Variants in FLI1 observed in about 807,000 individuals in gnomAD.
FLI1 encodes Fli-1 proto-oncogene, ETS transcription factor.
A neutral mutation model predicts 53.1 loss-of-function variants in FLI1; 13 were observed. That is an observed-to-expected ratio of 0.24 (90% CI 0.16 to 0.39). The LOEUF is 0.39. FLI1 is among the 10% of genes least tolerant of loss of function. The pLI is 1.00. For missense variants in FLI1, 424 were observed against 600.5 expected (o/e 0.71, Z 3.07); for synonymous variants, 244 against 236.7 (o/e 1.03, Z -0.28).
chr11:128,745,550 G>A (rs1441629928), intron 1 of FLI1, among the ~76,000 whole-genome samples: 1 of 152,224 alleles, frequency 6.6e-6, no homozygotes, highest in East Asian at 1.9e-4. Flanking sequence ...TGATGGGCCT[G>A]AGGTCACCAA....
chr11:128,793,766 T>C (rs988058180), intron 5 of FLI1, among the ~76,000 whole-genome samples: 1 of 152,220 alleles, frequency 6.6e-6, no homozygotes, highest in Non-Finnish European at 1.5e-5. Flanking sequence ...TGACAATGAA[T>C]GCATGAGCCC....
intron 6 of FLI1, 52 bp from the exon 7 acceptor site, chr11:128,807,128 C>A: frequency 8.0e-7 from 1 of 1,246,956 alleles, no homozygotes; most frequent in Non-Finnish European, 1.1e-6. Flanking sequence ...ACGTCTTGCT[C>A]CCCTCGGGGA....
intron 1 of FLI1, among the ~76,000 whole-genome samples, chr11:128,724,980 G>A (rs615671): frequency 0.4 from 60,285 of 152,014 alleles, 13,391 homozygotes; most frequent in East Asian, 0.58. Flanking sequence ...CCCAGAATGG[G>A]GCTGACAGCG....
Position 128,811,980 on chromosome 11 carries a change from A to C in FLI1, c.*992A>C, listed in dbSNP as rs1379457082. On this transcript the variant is annotated 3_prime_UTR_variant, in exon 9 of 9. Transcript: ENST00000527786. Reference sequence around the variant, plus strand: ...TGTTATTTTTTTTAATGTAATTTGTACATCTTTTTTCAATCTGTACATTTG... The same window carrying C: ...TGTTATTTTTTTTAATGTAATTTGTCCATCTTTTTTCAATCTGTACATTTG... The C allele has an allele frequency of 4.9e-6, 1 of 202,610 alleles. No individual in the cohort carries two copies. The highest frequency in any genetic ancestry group is 1.0e-5 in the Non-Finnish European group (1 of 98,614). 12.6% of individuals were successfully genotyped at this position (202,610 alleles called of 1,614,324 possible).
At chr11:128,740,690 G>A (rs995510229) in intron 1 of FLI1, among the ~76,000 whole-genome samples, 7 of 152,244 alleles carry the variant, frequency 4.6e-5, no homozygotes, top group Admixed American at 2.0e-4. Flanking sequence ...CAATGTTTTA[G>A]ATCAGCTCTT....
At chr11:128,708,904 G>A (rs1362384285) in intron 1 of FLI1, among the ~76,000 whole-genome samples, 1 of 152,152 alleles carries the variant, frequency 6.6e-6, no homozygotes, top group Non-Finnish European at 1.5e-5. Flanking sequence ...GTGACTTCAT[G>A]CCCACACAAT....
At position 128,812,566 on chromosome 11, in the gene FLI1, A is replaced by G. The variant is rs1222741777; in HGVS notation, c.*1578A>G. 6 of 223,740 alleles carry G rather than the reference A, an allele frequency of 2.7e-5. No individual in the cohort carries two copies. Among genetic ancestry groups the G allele is most frequent in the Non-Finnish European group, 4.5e-5 (5 of 112,100 alleles). 13.9% of individuals were successfully genotyped at this position (223,740 alleles called of 1,614,324 possible). A position where few individuals can be genotyped will look rare whatever the true frequency, so the allele number is the denominator to read the frequency against. On this transcript the variant is annotated 3_prime_UTR_variant, in exon 9 of 9. Transcript: ENST00000527786. The stretch of plus-strand genomic sequence containing the variant: ...AGGTAAAAAATCAGTGTGGTTTTTC[A>G]TTGTTGTTGATGATGTTTGTAGTGT...
intron 1 of FLI1, among the ~76,000 whole-genome samples, chr11:128,714,126 T>C (rs550795037): frequency 4.5e-4 from 67 of 150,080 alleles, no homozygotes; most frequent in Non-Finnish European, 8.6e-4. Context: ...AAGAAGATTC[T>C]AGGAGGCTGA....
rs747186747 is a variant in FLI1 at position 128,810,992 on chromosome 11, C to G, written c.*4C>G. ...ACACTTAGGCAGCTACTACTAGAAG[C>G]TTACTCATCAGTGGCCTTCTAGCTG... On this transcript the variant is annotated 3_prime_UTR_variant, in exon 9 of 9. Transcript: ENST00000527786. This position sits in a 1 kb window ranked among gnomAD's most constrained non-coding sequence, Gnocchi z 6.6. The G allele has an allele frequency of 5.0e-6, 8 of 1,613,934 alleles. No homozygotes were observed. The highest frequency in any genetic ancestry group is 6.8e-6 in the Non-Finnish European group (8 of 1,179,798).
At chr11:128,715,365 G>A (rs1327119603) in intron 1 of FLI1, among the ~76,000 whole-genome samples, 1 of 152,114 alleles carries the variant, frequency 6.6e-6, no homozygotes, top group Non-Finnish European at 1.5e-5. Context: ...CTTGCCTGTT[G>A]TTTAAAGAAA....
chr11:128,723,621 A>G (rs1434087340), intron 1 of FLI1, among the ~76,000 whole-genome samples: 1 of 152,234 alleles, frequency 6.6e-6, no homozygotes, highest in African/African-American at 2.4e-5. Flanking sequence ...CCTGCTTGAG[A>G]TTCCAAAAGT....
chr11:128,725,580 G>A (rs1939437683), intron 1 of FLI1, among the ~76,000 whole-genome samples: 2 of 152,116 alleles, frequency 1.3e-5, no homozygotes, highest in African/African-American at 2.4e-5. Flanking sequence ...GATGAAGGAA[G>A]GACCTTTGGA....
At chr11:128,760,543 T>C (rs1315966448) in intron 2 of FLI1, among the ~76,000 whole-genome samples, 17 of 110,286 alleles carry the variant, frequency 1.5e-4, no homozygotes, top group African/African-American at 5.8e-4. Context: ...TTTTTTTTTT[T>C]TTGAGATGGA....
intron 4 of FLI1, among the ~76,000 whole-genome samples, chr11:128,779,369 T>C (rs1299287713): frequency 6.6e-6 from 1 of 152,156 alleles, no homozygotes; most frequent in Non-Finnish European, 1.5e-5. Flanking sequence ...TTTTTTGTAT[T>C]CCCTCCGAAC....
intron 4 of FLI1, among the ~76,000 whole-genome samples, chr11:128,777,482 T>C (rs79904369): frequency 0.021 from 3,241 of 152,264 alleles, 69 homozygotes; most frequent in African/African-American, 0.053. Context: ...CATTTTGCAT[T>C]TTCTGGTCTT....
intron 1 of FLI1, among the ~76,000 whole-genome samples, chr11:128,747,102 A>T (rs1340969374): frequency 6.6e-6 from 1 of 152,220 alleles, no homozygotes; most frequent in East Asian, 1.9e-4. Context: ...ACCATTCCCC[A>T]GGTCAGGGAC....
At chr11:128,806,003 T>C (rs973958023) in intron 6 of FLI1, 2 of 151,758 alleles carry the variant, frequency 1.3e-5, no homozygotes, top group South Asian at 4.2e-4. Flanking sequence ...CTACCCAATA[T>C]CCCCCAGTAA....
intron 1 of FLI1, among the ~76,000 whole-genome samples, chr11:128,755,327 ATAAACTAAGAACG>A (rs1372169082): frequency 6.6e-6 from 1 of 152,236 alleles, no homozygotes; most frequent in Non-Finnish European, 1.5e-5. Context: ...TTCATGAATG[ATAAACTAAGAACG>A]TAAGCCATTC....
At chr11:128,688,312 G>A (rs1459723558) in intron 1 of FLI1, among the ~76,000 whole-genome samples, 1 of 152,260 alleles carries the variant, frequency 6.6e-6, no homozygotes, top group Non-Finnish European at 1.5e-5. Flanking sequence ...GGCCGCCAGA[G>A]AAGCTGCTCG....
Sources: gnomAD v4.1 joint callset for allele counts (sites outside exome capture counted in the v4.1 genomes callset) on GRCh38, gnomAD v4.1.1 for gene constraint, Gnocchi (gnomAD v3.1) non-coding constraint, MANE v1.5 for transcripts, NCBI Gene and HGNC (gene_info 2026-07-23, HGNC 2026-07-21) for gene names.